Variants in REDIC1 observed in about 807,000 individuals in gnomAD.
REDIC1 encodes the protein HEI10 Interacting Protein 1.
the REDIC1 span, among the ~76,000 whole-genome samples, chr12:39,849,346 T>A: frequency 6.6e-6 from 1 of 152,104 alleles, no homozygotes; most frequent in South Asian, 2.1e-4. Flanking sequence ...TTGGACAGCA[T>A]GAAAGGTGAC....
chr12:39,646,517 C>T, the REDIC1 span: 1 of 1,454,820 alleles, frequency 6.9e-7, no homozygotes, highest in African/African-American at 1.5e-5. Flanking sequence ...ATTAACAACA[C>T]TTTTACTCAC....
At chr12:39,705,405 CCTA>C in the REDIC1 span, among the ~76,000 whole-genome samples, 2 of 152,082 alleles carry the variant, frequency 1.3e-5, no homozygotes, top group African/African-American at 4.8e-5. Flanking sequence ...TAATACCAGT[CCTA>C]CTAAAAATAT....
chr12:39,635,908 T>A, the REDIC1 span, among the ~76,000 whole-genome samples: 1 of 152,136 alleles, frequency 6.6e-6, no homozygotes, highest in Non-Finnish European at 1.5e-5. Context: ...TGTGTGGAAA[T>A]CTTACGAAGT....
At chr12:39,665,788 C>T in the REDIC1 span, among the ~76,000 whole-genome samples, 4 of 151,940 alleles carry the variant, frequency 2.6e-5, no homozygotes, top group Middle Eastern at 3.4e-3. Context: ...AGTTCCTTCA[C>T]ATCCCTTGTA....
At chr12:39,677,335 A>T in the REDIC1 span, among the ~76,000 whole-genome samples, 1 of 152,076 alleles carries the variant, frequency 6.6e-6, no homozygotes, top group Non-Finnish European at 1.5e-5. Context: ...AAAAACAGTT[A>T]AAAAAGACAA....
At chr12:39,712,946 TA>T in the REDIC1 span, among the ~76,000 whole-genome samples, 1 of 145,750 alleles carries the variant, frequency 6.9e-6, no homozygotes, top group Admixed American at 6.9e-5. Flanking sequence ...TATACGTGTA[TA>T]TACATATATG....
chr12:39,835,363 C>T, the REDIC1 span, among the ~76,000 whole-genome samples: 26 of 152,180 alleles, frequency 1.7e-4, no homozygotes, highest in African/African-American at 6.3e-4. Flanking sequence ...TATTAGAATG[C>T]TGCAACTTCT....
chr12:39,755,999 G>T, the REDIC1 span: 1 of 151,900 alleles, frequency 6.6e-6, no homozygotes, highest in Non-Finnish European at 1.5e-5. Flanking sequence ...ATTTTTAAAT[G>T]ATTGCTATTT....
At chr12:39,695,228 G>A in the REDIC1 span, among the ~76,000 whole-genome samples, 19 of 152,234 alleles carry the variant, frequency 1.2e-4, no homozygotes, top group East Asian at 3.5e-3. Context: ...AGAGAGAAAA[G>A]TAAAGGGGAC....
chr12:39,714,270 T>TATATATGTATATACGTATATGCATGC, the REDIC1 span, among the ~76,000 whole-genome samples: 3,598 of 118,058 alleles, frequency 0.03, 878 homozygotes, highest in Non-Finnish European at 0.051. Context: ...TGCATATATG[T>TATATATGTATATACGTATATGCATGC]ATATATGTAT....
the REDIC1 span, among the ~76,000 whole-genome samples, chr12:39,631,026 T>C: frequency 6.6e-6 from 1 of 152,156 alleles, no homozygotes; most frequent in East Asian, 1.9e-4. Flanking sequence ...GTAGCTGCGA[T>C]TACAGGAACC....
At chr12:39,750,607 G>A in the REDIC1 span, among the ~76,000 whole-genome samples, 6 of 151,950 alleles carry the variant, frequency 3.9e-5, no homozygotes, top group African/African-American at 9.7e-5. Context: ...TTGCCAAGTC[G>A]ATCCTAAGCC....
chr12:39,886,307 C>A, the REDIC1 span, among the ~76,000 whole-genome samples: 2 of 152,080 alleles, frequency 1.3e-5, no homozygotes, highest in African/African-American at 4.8e-5. Context: ...CTTTGATGTT[C>A]AAAGGGAGAG....
the REDIC1 span, among the ~76,000 whole-genome samples, chr12:39,856,544 T>C: frequency 6.6e-6 from 1 of 152,068 alleles, no homozygotes; most frequent in African/African-American, 2.4e-5. Context: ...AATTTTTGTA[T>C]TTTTAGTAGA....
chr12:39,829,942 C>T, the REDIC1 span: 4 of 898,220 alleles, frequency 4.5e-6, no homozygotes, highest in East Asian at 1.1e-4. Context: ...CACACAATTG[C>T]AATGCTTTGC....
chr12:39,668,991 G>A, the REDIC1 span, among the ~76,000 whole-genome samples: 2 of 151,860 alleles, frequency 1.3e-5, no homozygotes, highest in Non-Finnish European at 2.9e-5. Flanking sequence ...CTTTGCCATG[G>A]GTTCGAACTT....
the REDIC1 span, among the ~76,000 whole-genome samples, chr12:39,653,910 AATT>A: frequency 1.3e-5 from 2 of 148,860 alleles, no homozygotes; most frequent in Non-Finnish European, 3.0e-5. Flanking sequence ...TGTCTCTTGA[AATT>A]ATGATTTTTT....
the REDIC1 span, among the ~76,000 whole-genome samples, chr12:39,712,380 C>CTG: frequency 5.6e-3 from 672 of 119,906 alleles, 12 homozygotes; most frequent in African/African-American, 0.019. Flanking sequence ...GTATATATAC[C>CTG]TATATATATA....
the REDIC1 span, among the ~76,000 whole-genome samples, chr12:39,888,129 T>C: frequency 6.6e-6 from 1 of 152,230 alleles, no homozygotes; most frequent in Non-Finnish European, 1.5e-5. Flanking sequence ...CAGTGCCATC[T>C]GGGCAGGCTG....
Sources: gnomAD v4.1 joint callset for allele counts (sites outside exome capture counted in the v4.1 genomes callset) on GRCh38, gnomAD v4.1.1 for gene constraint, MANE v1.5 for transcripts, NCBI Gene and HGNC (gene_info 2026-07-23, HGNC 2026-07-21) for gene names.